Variants in SIGIRR observed in about 807,000 individuals in gnomAD.
SIGIRR encodes single Ig IL-1-related receptor.
In SIGIRR, 41 loss-of-function variants were observed where a neutral mutation model predicts 45.6. The observed-to-expected ratio is 0.90, with a 90% CI of 0.70 to 1.17. The LOEUF (loss-of-function observed/expected upper bound fraction) is 1.17, where lower values mean the gene tolerates loss of function less well. Among genes scored for constraint, SIGIRR ranks in the 50% most tolerant of loss-of-function variants. The pLI is 0.00. For synonymous variants in SIGIRR, 298 were observed against 239.0 expected (o/e 1.25, Z -2.28); for missense variants, 599 against 539.6 (o/e 1.11, Z -1.09).
At chr11:412,730 G>T (rs557876508) in intron 1 of SIGIRR, among the ~76,000 whole-genome samples, 4 of 151,004 alleles carry the variant, frequency 2.6e-5, no homozygotes, top group Admixed American at 6.6e-5. Flanking sequence ...GCAGTCGAGG[G>T]GGGGTGCCCA....
chr11:407,061 C>T lies in SIGIRR; in HGVS notation c.728+1G>A. The T allele has an allele frequency of 6.3e-7, 1 of 1,578,266 alleles. No individual in the cohort carries two copies. The highest frequency in any genetic ancestry group is 8.6e-7 in the Non-Finnish European group (1 of 1,168,392). ...CCCACCCAACCCCGCGCGGGACCCA[C>T]CGGAAGCTGTGGCTGCACCAGGCCC... On this transcript the variant is annotated splice_donor_variant, in intron 7 of 9. Transcript: ENST00000431843. LOFTEE classifies it high-confidence loss of function.
At chr11:407,746 G>A in intron 5 of SIGIRR, 71 bp downstream of exon 5, 1 of 1,601,092 alleles carries the variant, frequency 6.2e-7, no homozygotes, top group Non-Finnish European at 8.5e-7. Flanking sequence ...CGCCTCCAAA[G>A]CCGAGCTCAG....
intron 9 of SIGIRR, 129 bp downstream of exon 9, chr11:406,220 G>A: frequency 1.9e-6 from 3 of 1,539,862 alleles, no homozygotes; most frequent in Non-Finnish European, 1.7e-6. Flanking sequence ...CAGAGGCCGT[G>A]CAGGGGCTCC....
At chr11:410,702 A>G (rs1480981281) in intron 1 of SIGIRR, among the ~76,000 whole-genome samples, 31 of 55,466 alleles carry the variant, frequency 5.6e-4, no homozygotes, top group Admixed American at 1.4e-3. Context: ...GGATGCAGTC[A>G]GGGAGGGGGT....
At chr11:416,269 G>A (rs997698874), upstream of SIGIRR, among the ~76,000 whole-genome samples, 1 of 152,052 alleles carries the variant, frequency 6.6e-6, no homozygotes, top group Non-Finnish European at 1.5e-5. This position sits in a 1 kb window ranked among gnomAD's most constrained non-coding sequence, Gnocchi z 9.1. Flanking sequence ...GTGAAGCCCC[G>A]GCTCGGCGGC....
rs758352193 is a variant in SIGIRR at position 406,054 on chromosome 11, G to A, written c.1075C>T (p.Arg359Trp). 3 of 1,576,256 alleles carry A rather than the reference G, an allele frequency of 1.9e-6. No homozygotes were observed. Among genetic ancestry groups the A allele is most frequent in the South Asian group, 1.1e-5 (1 of 87,106 alleles). The change falls in exon 10 of 10, where the codon CGG becomes TGG. Residue 359 changes from arginine to tryptophan, a missense_variant. Coordinates refer to ENST00000431843, the MANE Select transcript of SIGIRR (RefSeq NM_001135054.2). ...GATGGCTCTCCAAAGACAGGCCCCCGGACACCTGGGGTGGGGAGACCGAGA... is the reference window on the plus strand; with the variant it reads ...GATGGCTCTCCAAAGACAGGCCCCCAGACACCTGGGGTGGGGAGACCGAGA... ...DPDPEGDLGV[R>W]GPVFGEPSAP...
At chr11:407,351 G>A (rs1331824085) in intron 6 of SIGIRR, 74 bp downstream of exon 6, 12 of 1,312,374 alleles carry the variant, frequency 9.1e-6, no homozygotes, top group African/African-American at 3.8e-5. Context: ...GTGGGGCCCC[G>A]GGTGGGACGG....
upstream of SIGIRR, among the ~76,000 whole-genome samples, chr11:415,515 G>T (rs1847858582): frequency 6.6e-6 from 1 of 152,104 alleles, no homozygotes; most frequent in Non-Finnish European, 1.5e-5. The surrounding 1 kb of genome is among the most constrained non-coding windows in gnomAD (Gnocchi z 6.6). Context: ...ATGTGTCTTT[G>T]ACCTCTGACC....
At chr11:411,198 G>T (rs867602665) in intron 1 of SIGIRR, among the ~76,000 whole-genome samples, 8 of 16,298 alleles carry the variant, frequency 4.9e-4, no homozygotes, top group Non-Finnish European at 8.2e-4. Context: ...CGGGGGGGGG[G>T]GTGCCCAGCT....
At position 407,155 on chromosome 11, in the gene SIGIRR, G is replaced by C; in HGVS notation, c.635C>G (p.Ala212Gly). The C allele has an allele frequency of 2.0e-6, 3 of 1,513,512 alleles. No homozygotes were observed. Among genetic ancestry groups the C allele is most frequent in the Non-Finnish European group, 2.6e-6 (3 of 1,136,440 alleles). The allele number at this position is 1,513,512 out of a possible 1,614,324, so 93.8% of individuals were successfully genotyped here. The change falls in exon 7 of 10, where the codon GCC (alanine) becomes GGC (glycine). Residue 212 changes from alanine (A) to glycine (G), a missense_variant. By Grantham distance (60) the Ala-to-Gly change is moderately conservative. Coordinates refer to ENST00000431843, the MANE Select transcript of SIGIRR (RefSeq NM_001135054.2). ...GCGGCTCAGGTTCACCAAGAGGTCG[G>C]CGGAGGGCTCTGCGGGAGGGCGGGC... Reference protein sequence around the residue: ...RDLLPRAEPSADLLVNLSRCR... With the variant: ...RDLLPRAEPSGDLLVNLSRCR...
chr11:408,821 GA>G lies in SIGIRR; in HGVS notation c.79del (p.Ser27GlnfsTer4). The G allele has an allele frequency of 6.2e-7, 1 of 1,612,800 alleles. No individual in the cohort carries two copies. The highest frequency in any genetic ancestry group is 8.5e-7 in the Non-Finnish European group (1 of 1,179,978). ...CCAAGCCGTGCAGTTCAGAGCCACT[GA>G]GCTGCCCAAGGCAGGCCTCAGCACC... ...DQVLRPALGS[S>X]VALNCTAWVV... On this transcript the variant is annotated frameshift_variant, in exon 3 of 10. Transcript: ENST00000431843. LOFTEE classifies it high-confidence loss of function.
chr11:407,693 C>G lies in SIGIRR; in HGVS notation c.481+124G>C, dbSNP rs1590373607. 1.9e-6 allele frequency: 3 copies of G among 1,560,934 alleles called. No homozygotes were observed. The South Asian group carries it at 3.5e-5, about 18-fold the overall frequency. On this transcript the variant is annotated intron_variant, in intron 5 of 9. Coordinates refer to ENST00000431843, the MANE Select transcript of SIGIRR (RefSeq NM_001135054.2). ...ACCCGCCCCGGACTTTAACCCCAGC[C>G]GGGCCGCACAGAGCACCCGGGGGCT...
chr11:417,234 C>G (rs1224044928), upstream of SIGIRR: 1 of 152,284 alleles, frequency 6.6e-6, no homozygotes, highest in Admixed American at 6.5e-5. This position sits in a 1 kb window ranked among gnomAD's most constrained non-coding sequence, Gnocchi z 4.2. Flanking sequence ...GGACAAGCAG[C>G]GCCCCGGGCC....
intron 2 of SIGIRR, chr11:409,597 C>G: frequency 2.4e-6 from 1 of 418,622 alleles, no homozygotes; most frequent in Non-Finnish European, 4.2e-6. Context: ...CTGCTGTGGG[C>G]CCCAGCAGTG....
chr11:406,048 G>A lies in SIGIRR; in HGVS notation c.1081C>T (p.Pro361Ser). 6.3e-7 allele frequency: 1 copy of A among 1,582,974 alleles called. No individual in the cohort carries two copies. Among genetic ancestry groups the A allele is most frequent in the Non-Finnish European group, 8.6e-7 (1 of 1,165,852 alleles). The change falls in exon 10 of 10, where the codon CCT becomes TCT. Residue 361 changes from proline (P) to serine (S), a missense_variant. By Grantham distance (74) the Pro-to-Ser change is moderately conservative. Coordinates refer to ENST00000431843, the MANE Select transcript of SIGIRR (RefSeq NM_001135054.2). ...GGAGCTGATGGCTCTCCAAAGACAG[G>A]CCCCCGGACACCTGGGGTGGGGAGA... ...DPEGDLGVRG[P>S]VFGEPSAPPH...
chr11:415,958 C>G (rs1847869184), upstream of SIGIRR, among the ~76,000 whole-genome samples: 1 of 152,198 alleles, frequency 6.6e-6, no homozygotes, highest in African/African-American at 2.4e-5. The surrounding 1 kb of genome is among the most constrained non-coding windows in gnomAD (Gnocchi z 6.6). Flanking sequence ...GCTGAGCACC[C>G]TCTCAGCAGC....
At chr11:408,296 C>G in intron 3 of SIGIRR, 90 bp from the exon 4 acceptor site, 1 of 1,513,152 alleles carries the variant, frequency 6.6e-7, no homozygotes, top group Non-Finnish European at 8.9e-7. Context: ...AGGGAGGCTG[C>G]AGAATTGGGC....
chr11:409,030 G>A, intron 2 of SIGIRR, 137 bp from the exon 3 acceptor site: 2 of 773,984 alleles, frequency 2.6e-6, no homozygotes, highest in South Asian at 1.6e-5. Flanking sequence ...CGAGTCCCAT[G>A]GGGACAGGCT....
At chr11:408,988 G>A (rs1452818358) in intron 2 of SIGIRR, 95 bp from the exon 3 acceptor site, 2 of 1,153,856 alleles carry the variant, frequency 1.7e-6, no homozygotes, top group Admixed American at 1.8e-5. Flanking sequence ...TAAGGCCTCT[G>A]TGTGGCTTGG....
Sources: gnomAD v4.1 joint callset for allele counts (sites outside exome capture counted in the v4.1 genomes callset) on GRCh38, gnomAD v4.1.1 for gene constraint, Gnocchi (gnomAD v3.1) non-coding constraint, MANE v1.5 for transcripts, NCBI Gene and HGNC (gene_info 2026-07-23, HGNC 2026-07-21) for gene names.